DSP: variants seen among roughly 807,000 people sequenced by gnomAD.
The protein encoded by DSP is 250/210 kDa paraneoplastic pemphigus antigen.
Under a neutral mutation model 290.6 loss-of-function variants are expected in DSP, and 114 were observed. The observed-to-expected ratio is 0.39, with a 90% CI of 0.34 to 0.46. DSP has a LOEUF of 0.46. Among genes scored for constraint, DSP ranks in the 20% least tolerant of loss-of-function variants. The pLI is 0.99. For missense variants in DSP, 3,230 were observed against 3,495.8 expected (o/e 0.92, Z 1.92); for synonymous variants, 1,311 against 1,316.4 (o/e 1.00, Z 0.09).
intron 6 of DSP, among the ~76,000 whole-genome samples, chr6:7,564,636 T>C (rs1440558593): frequency 6.6e-6 from 1 of 152,222 alleles, no homozygotes; most frequent in East Asian, 1.9e-4. Flanking sequence ...TTATAGTTAA[T>C]GATAATTTAT....
rs751050235 is a variant in DSP at position 7,583,485 on chromosome 6, C to T, written c.6223C>T (p.Arg2075Trp). The change falls in exon 24 of 24, where the codon CGG becomes TGG. Residue 2075 changes from arginine (R) to tryptophan (W), a missense_variant. Arg to Trp is a moderately radical substitution (Grantham distance 101). Coordinates refer to ENST00000379802, the MANE Select transcript of DSP (RefSeq NM_004415.4). This position sits in a 1 kb window ranked among gnomAD's most constrained non-coding sequence, Gnocchi z 4.0. The stretch of plus-strand genomic sequence containing the variant: ...GCTGACTGTCGACAGTGCCATAGCT[C>T]GGGACCTCATTGACTTCGATGACCG... ...EKLTVDSAIA[R>W]DLIDFDDRQQ... is the part of the protein sequence containing the mutation. The T allele has an allele frequency of 1.7e-5, 28 of 1,614,122 alleles. No individual in the cohort carries two copies. The highest frequency in any genetic ancestry group is 2.2e-5 in the East Asian group (1 of 44,880).
Position 7,586,049 on chromosome 6 carries a change from T to A in DSP, c.*171T>A, listed in dbSNP as rs1398618631. The A allele has an allele frequency of 1.4e-6, 1 of 704,452 alleles. No homozygotes were observed. Among genetic ancestry groups the A allele is most frequent in the Admixed American group, 2.7e-5 (1 of 36,716 alleles). 43.6% of individuals were successfully genotyped at this position (704,452 alleles called of 1,614,324 possible). On this transcript the variant is annotated 3_prime_UTR_variant, in exon 24 of 24. Transcript: ENST00000379802. The stretch of plus-strand genomic sequence containing the variant: ...AATAGTAAAGGCTGTTCTGGCTTTT[T>A]ATCTTCTTAGCTCATCTTAAATAAG...
rs1043797322 is a variant in DSP at position 7,581,255 on chromosome 6, A to C, written c.5065A>C (p.Ile1689Leu). ...HLRNEHFQKA[I>L]EDKSRSLNES... Reference sequence around the variant, plus strand: ...GAGGAATGAGCATTTCCAGAAGGCGATAGAAGATAAAAGCAGAAGCTTAAA... The same window carrying C: ...GAGGAATGAGCATTTCCAGAAGGCGCTAGAAGATAAAAGCAGAAGCTTAAA... Residue 1689 changes from isoleucine to leucine, a missense_variant, in exon 23 of 24, where the codon ATA (isoleucine) becomes CTA (leucine). Physicochemically the swap from Ile to Leu is conservative, Grantham distance 5 (BLOSUM62 2). Coordinates refer to ENST00000379802, the MANE Select transcript of DSP (RefSeq NM_004415.4). The C allele has an allele frequency of 3.1e-6, 5 of 1,614,200 alleles. No individual in the cohort carries two copies. The highest frequency in any genetic ancestry group is 3.4e-6 in the Non-Finnish European group (4 of 1,180,050).
chr6:7,562,894 A>C (rs1758747053), intron 5 of DSP, 114 bp downstream of exon 5: 1 of 1,492,102 alleles, frequency 6.7e-7, no homozygotes, highest in Non-Finnish European at 9.2e-7. Flanking sequence ...TTCCCAGAAG[A>C]CTGGAAATGT....
rs748790273 is a variant in DSP at position 7,569,328 on chromosome 6, A to C, written c.1562A>C (p.Asp521Ala). 7.4e-6 allele frequency: 12 copies of C among 1,613,954 alleles called. No homozygotes were observed. The East Asian group carries it at 2.2e-4, about 30-fold the overall frequency. ...CCTCCTCCGAACCCACTGGCCGTGG[A>C]CCTCTCTTGCAAGTAAGTCATCCAA... is the stretch of plus-strand genomic sequence containing the variant. ...IIPPPNPLAV[D>A]LSCKIEQYYE... The change falls in exon 12 of 24, where the codon GAC becomes GCC. Residue 521 changes from aspartate (D) to alanine (A), a missense_variant. By Grantham distance (126) the Asp-to-Ala change is moderately radical. Coordinates refer to ENST00000379802, the MANE Select transcript of DSP (RefSeq NM_004415.4).
Position 7,582,770 on chromosome 6 carries a change from G to A in DSP, c.5508G>A (p.Leu1836=). Residue 1836 remains leucine (L), a synonymous_variant, in exon 24 of 24, where the codon CTG becomes CTA. Coordinates refer to ENST00000379802, the MANE Select transcript of DSP (RefSeq NM_004415.4). The surrounding 1 kb of genome is among the most constrained non-coding windows in gnomAD (Gnocchi z 4.2). The part of the protein sequence containing the change: ...KARLQRLEDE[L]NRAKSTLEAE... ...GGCTGCAGAGGCTGGAGGATGAGCTGAATCGTGCAAAATCAACTCTAGAGG... is the reference window on the plus strand; with the variant it reads ...GGCTGCAGAGGCTGGAGGATGAGCTAAATCGTGCAAAATCAACTCTAGAGG... 1 of 1,613,960 alleles carries A rather than the reference G, an allele frequency of 6.2e-7. No homozygotes were observed. Among genetic ancestry groups the A allele is most frequent in the South Asian group, 1.1e-5 (1 of 91,066 alleles).
Position 7,579,650 on chromosome 6 carries a change from G to A in DSP, c.3460G>A (p.Gly1154Ser). ...KARQCEKENL[G>S]WQKLESEKAI... ...AAGGCAATGTGAAAAGGAGAACCTT[G>A]GTTGGCAGAAATTAGAGTCTGAGAA... is the stretch of plus-strand genomic sequence containing the variant. Residue 1154 changes from glycine (G) to serine (S), a missense_variant, in exon 23 of 24, where the codon GGT becomes AGT. Around this residue, in one of 5 missense-constraint regions of DSP, gnomAD observed 1,714 missense variants for 1,844.5 expected, o/e 0.93. Transcript: ENST00000379802. This position sits in a 1 kb window ranked among gnomAD's most constrained non-coding sequence, Gnocchi z 4.1. 1 of 1,613,960 alleles carries A rather than the reference G, an allele frequency of 6.2e-7. No individual in the cohort carries two copies. Among genetic ancestry groups the A allele is most frequent in the Non-Finnish European group, 8.5e-7 (1 of 1,179,996 alleles).
chr6:7,584,259 G>A lies in DSP; in HGVS notation c.6997G>A (p.Glu2333Lys), dbSNP rs1490807572. The A allele has an allele frequency of 1.2e-6, 2 of 1,614,162 alleles. No individual in the cohort carries two copies. The highest frequency in any genetic ancestry group is 2.2e-5 in the South Asian group (2 of 91,052). ...IEFKEKLLSA[E>K]RAVTGYNDPE... ...GTTCAAAGAGAAGCTCCTGTCTGCA[G>A]AACGAGCTGTCACTGGGTATAATGA... The change falls in exon 24 of 24, where the codon GAA (glutamate) becomes AAA (lysine). Residue 2333 changes from glutamate to lysine, a missense_variant. By Grantham distance (56) the Glu-to-Lys change is moderately conservative. Transcript: ENST00000379802. The surrounding 1 kb of genome is among the most constrained non-coding windows in gnomAD (Gnocchi z 6.4).
chr6:7,581,133 A>G lies in DSP; in HGVS notation c.4943A>G (p.Gln1648Arg), dbSNP rs202232360. 100 of 1,614,166 alleles carry G rather than the reference A, an allele frequency of 6.2e-5. No homozygotes were observed. In the East Asian group the frequency reaches 2.0e-3, roughly 33 times the overall value. Residue 1648 changes from glutamine to arginine, a missense_variant, in exon 23 of 24, where the codon CAG (glutamine) becomes CGG (arginine). Gln to Arg is a conservative substitution (Grantham distance 43). Around this residue, in one of 5 missense-constraint regions of DSP, gnomAD observed 1,714 missense variants for 1,844.5 expected, o/e 0.93. Transcript: ENST00000379802. Reference protein sequence around the residue: ...DVLDGHLREKQRTQEELRRLS... With the variant: ...DVLDGHLREKRRTQEELRRLS... ...CTGGATGGCCACCTGAGGGAAAAGC[A>G]GAGGACCCAGGAAGAGCTGAGGAGG...
intron 8 of DSP, 43 bp downstream of exon 8, chr6:7,566,524 CTT>C: frequency 1.4e-6 from 2 of 1,430,384 alleles, no homozygotes; most frequent in Non-Finnish European, 2.0e-6. Context: ...AAAAAAAAAA[CTT>C]TTCATAAAGT....
intron 1 of DSP, among the ~76,000 whole-genome samples, chr6:7,553,651 A>G (rs1269186676): frequency 6.6e-6 from 1 of 152,194 alleles, no homozygotes; most frequent in Non-Finnish European, 1.5e-5. Flanking sequence ...AAGTTAGGAC[A>G]ACAAATGTGA....
In DSP at chr6:7,584,880, G is replaced by A. The variant is rs761136328; in HGVS notation, c.7618G>A (p.Asp2540Asn). Residue 2540 changes from aspartate (D) to asparagine (N), a missense_variant, in exon 24 of 24, where the codon GAC (aspartate) becomes AAC (asparagine). Around this residue, in one of 5 missense-constraint regions of DSP, gnomAD observed 582 missense variants for 555.4 expected, o/e 1.05. Transcript: ENST00000379802. The surrounding 1 kb of genome is among the most constrained non-coding windows in gnomAD (Gnocchi z 6.4). ...AGATGCTATTGACAAGGGCCTTGTTGACAGGAAGTTCTTTGATCAGTACCG... is the reference window on the plus strand; with the variant it reads ...AGATGCTATTGACAAGGGCCTTGTTAACAGGAAGTTCTTTGATCAGTACCG... ...IQDAIDKGLVDRKFFDQYRSG... is the reference protein window; with the variant it reads ...IQDAIDKGLVNRKFFDQYRSG... The A allele has an allele frequency of 2.5e-6, 4 of 1,614,222 alleles. No individual in the cohort carries two copies. The Admixed American group carries it at 5.0e-5, about 20-fold the overall frequency.
At position 7,542,057 on chromosome 6, in the gene DSP, A is replaced by G. The variant is rs1757998776; in HGVS notation, c.142A>G (p.Ile48Val). 1.9e-6 allele frequency: 3 copies of G among 1,569,612 alleles called. No homozygotes were observed. Among genetic ancestry groups the G allele is most frequent in the Non-Finnish European group, 2.6e-6 (3 of 1,157,798 alleles). The change falls in exon 1 of 24, where the codon ATC (isoleucine) becomes GTC (valine). Residue 48 changes from isoleucine (I) to valine (V), a missense_variant. Coordinates refer to ENST00000379802, the MANE Select transcript of DSP (RefSeq NM_004415.4). ...GATGTACTATTCTCGGCGCGGCGTGATCACCGACCAGAACTCGGACGGCTA... is the reference window on the plus strand; with the variant it reads ...GATGTACTATTCTCGGCGCGGCGTGGTCACCGACCAGAACTCGGACGGCTA... ...SRMYYSRRGV[I>V]TDQNSDGYCQ... is the part of the protein sequence containing the mutation.
At chr6:7,550,396 TAAAGCTAATGCCTTAG>T (rs1383748563) in intron 1 of DSP, among the ~76,000 whole-genome samples, 1 of 152,214 alleles carries the variant, frequency 6.6e-6, no homozygotes, top group Non-Finnish European at 1.5e-5. Context: ...GCAACACATG[TAAAGCTAATGCCTTAG>T]GACAGCTAGT....
At position 7,571,414 on chromosome 6, in the gene DSP, A is replaced by C; in HGVS notation, c.1733A>C (p.Lys578Thr). The part of the protein sequence containing the change: ...LKTMRQEDYM[K>T]TIADLELHYQ... ...ACAATGCGGCAGGAAGATTACATGAAGACGATAGCCGACCTTGAGTTACAT... is the reference window on the plus strand; with the variant it reads ...ACAATGCGGCAGGAAGATTACATGACGACGATAGCCGACCTTGAGTTACAT... The change falls in exon 14 of 24, where the codon AAG becomes ACG. Residue 578 changes from lysine (K) to threonine (T), a missense_variant. By Grantham distance (78) the Lys-to-Thr change is moderately conservative (BLOSUM62 -1). Around this residue, in one of 5 missense-constraint regions of DSP, gnomAD observed 81 missense variants for 130.5 expected, o/e 0.62. Transcript: ENST00000379802. 1 of 1,614,174 alleles carries C rather than the reference A, an allele frequency of 6.2e-7. No homozygotes were observed. Among genetic ancestry groups the C allele is most frequent in the Non-Finnish European group, 8.5e-7 (1 of 1,180,048 alleles).
intron 16 of DSP, 131 bp from the exon 17 acceptor site, chr6:7,574,526 A>G: frequency 5.1e-6 from 7 of 1,375,480 alleles, no homozygotes; most frequent in Middle Eastern, 2.3e-4. Flanking sequence ...ATCACAATAG[A>G]CCAAAAAACA....
At chr6:7,560,092 G>A (rs530422970) in intron 4 of DSP, among the ~76,000 whole-genome samples, 1 of 152,320 alleles carries the variant, frequency 6.6e-6, no homozygotes, top group African/African-American at 2.4e-5. Context: ...ACAGGTGGTG[G>A]TAGAAATATG....
chr6:7,586,317 G>A lies in DSP; in HGVS notation c.*439G>A. The A allele has an allele frequency of 5.6e-6, 1 of 178,402 alleles. No homozygotes were observed. Among genetic ancestry groups the A allele is most frequent in the Non-Finnish European group, 1.2e-5 (1 of 84,140 alleles). The allele number at this position is 178,402 out of a possible 1,614,324, so 11.1% of individuals were successfully genotyped here. A position where few individuals can be genotyped will look rare whatever the true frequency, so the allele number is the denominator to read the frequency against. On this transcript the variant is annotated 3_prime_UTR_variant, in exon 24 of 24. Coordinates refer to ENST00000379802, the MANE Select transcript of DSP (RefSeq NM_004415.4). ...GTATTAGGAGAAAATTACCCTCCCA[G>A]CACCAGCCCCCCTCTCAAACCCCCA...
intron 5 of DSP, among the ~76,000 whole-genome samples, chr6:7,562,996 A>G (rs1758749515): frequency 6.6e-6 from 1 of 152,204 alleles, no homozygotes; most frequent in South Asian, 2.1e-4. Flanking sequence ...CCAGAGGCTG[A>G]GGTTGTGCAA....
Sources: allele counts gnomAD v4.1 joint callset (sites outside exome capture counted in the v4.1 genomes callset), GRCh38; gene constraint gnomAD v4.1.1; regional missense constraint gnomAD v4.1.1; non-coding constraint Gnocchi (gnomAD v3.1); transcripts MANE v1.5; gene names NCBI Gene and HGNC (gene_info 2026-07-23, HGNC 2026-07-21).